ENTR1: variants seen among roughly 807,000 people sequenced by gnomAD.
ENTR1 encodes endosome associated trafficking regulator 1, also known as endosome-associated-trafficking regulator 1.
In ENTR1, 47 loss-of-function variants were observed where a neutral mutation model predicts 47.9. The observed-to-expected ratio is 0.98, with a 90% confidence interval of 0.78 to 1.25. The LOEUF (loss-of-function observed/expected upper bound fraction) is 1.25, where lower values mean the gene tolerates loss of function less well. Among genes scored for constraint, ENTR1 ranks in the 50% most tolerant of loss-of-function variants. ENTR1 has a pLI of 0.00. For missense variants in ENTR1, 668 were observed against 570.5 expected, an observed-to-expected ratio of 1.17 and a Z score of -1.74; for synonymous variants, 290 against 245.8, an observed-to-expected ratio of 1.18 and a Z score of -1.68.
At position 136,402,895 on chromosome 9, in the gene ENTR1, C is replaced by G. The variant is rs1834554761; in HGVS notation, c.1209-8G>C. 3.3e-6 allele frequency: 5 copies of G among 1,502,044 alleles called. No homozygotes were observed. Among genetic ancestry groups the G allele is most frequent in the African/African-American group, 3.0e-5 (2 of 66,056 alleles). 93.0% of individuals were successfully genotyped at this position (1,502,044 alleles called of 1,614,324 possible). ...GCTCCGGAAACCAGTTGCCTGAAAA[C>G]AAGCATGGATATCAGGATGGGTGGC... is the stretch of plus-strand genomic sequence containing the variant. On this transcript the variant is annotated splice_region_variant and splice_polypyrimidine_tract_variant and intron_variant, in intron 9 of 9. Transcript: ENST00000357365.
chr9:136,402,954 G>C (rs1834559005), intron 9 of ENTR1, 67 bp from the exon 10 acceptor site: 2 of 797,870 alleles, frequency 2.5e-6, no homozygotes, highest in Non-Finnish European at 2.0e-6. Context: ...GTTCTGGGGG[G>C]AGAAAGGGGA....
rs1173644686 is a variant in ENTR1, at chr9:136,410,551, G to A, written c.-154C>T. The A allele has an allele frequency of 1.8e-6, 2 of 1,119,858 alleles. No individual in the cohort carries two copies. The highest frequency in any genetic ancestry group is 2.2e-6 in the Non-Finnish European group (2 of 889,448). 69.4% of individuals were successfully genotyped at this position (1,119,858 alleles called of 1,614,324 possible). On this transcript the variant is annotated 5_prime_UTR_variant, in exon 1 of 10. Transcript: ENST00000357365. ...CCCCCGCGCCTCCGAGCCTCTCGCC[G>A]CTGCTTCCGCTCCGAGCACCGAAAG...
chr9:136,404,911 C>T, intron 7 of ENTR1, 180 bp downstream of exon 7: 2 of 666,588 alleles, frequency 3.0e-6, no homozygotes, highest in South Asian at 1.8e-5. Flanking sequence ...CCCACGGATG[C>T]CCTCGTGGGC....
chr9:136,410,300 C>A (rs776202343), intron 1 of ENTR1, 28 bp downstream of exon 1: 1 of 1,550,268 alleles, frequency 6.5e-7, no homozygotes, highest in Middle Eastern at 1.7e-4. Flanking sequence ...CCACCTGGAC[C>A]GCTGGACTCG....
Position 136,402,609 on chromosome 9 carries a change from C to T in ENTR1, c.*179G>A. On this transcript the variant is annotated 3_prime_UTR_variant, in exon 10 of 10. Transcript: ENST00000357365. ...ATAGAAACCACAGAGACAACTCGGC[C>T]AGGGCTGCTCCCATTGTGGTGGCCA... 1 of 482,404 alleles carries T rather than the reference C, an allele frequency of 2.1e-6. No individual in the cohort carries two copies. The highest frequency in any genetic ancestry group is 3.8e-5 in the Admixed American group (1 of 26,382). 29.9% of individuals were successfully genotyped at this position (482,404 alleles called of 1,614,324 possible).
At chr9:136,409,322 A>G (rs1834955110) in intron 2 of ENTR1, among the ~76,000 whole-genome samples, 1 of 152,016 alleles carries the variant, frequency 6.6e-6, no homozygotes, top group African/African-American at 2.4e-5. Context: ...CTGGGACTAC[A>G]GGCACCTGCC....
intron 4 of ENTR1, 43 bp from the exon 5 acceptor site, chr9:136,407,604 T>A: frequency 6.6e-7 from 1 of 1,507,988 alleles, no homozygotes; most frequent in Non-Finnish European, 8.8e-7. Flanking sequence ...GCCATGCTTC[T>A]GACTCGGAGC....
At position 136,407,359 on chromosome 9, in the gene ENTR1, G is replaced by A. The variant is rs1285805026; in HGVS notation, c.605C>T (p.Pro202Leu). The change falls in exon 5 of 10, where the codon CCT (proline) becomes CTT (leucine). Residue 202 changes from proline to leucine, a missense_variant. Coordinates refer to ENST00000357365, the MANE Select transcript of ENTR1 (RefSeq NM_001039707.2). Reference sequence around the variant, plus strand: ...TGTGCTGCAGGGCGACGTGCCGGCAGGGACCCTCTCGGGGTGAGTCTGCTC... The same window carrying A: ...TGTGCTGCAGGGCGACGTGCCGGCAAGGACCCTCTCGGGGTGAGTCTGCTC... ...AIEQTHPERV[P>L]AGTSPCSTYL... 1 of 1,607,648 alleles carries A rather than the reference G, an allele frequency of 6.2e-7. No homozygotes were observed. Among genetic ancestry groups the A allele is most frequent in the Non-Finnish European group, 8.5e-7 (1 of 1,178,088 alleles).
Position 136,410,600 on chromosome 9 carries a change from G to T in ENTR1, c.-203C>A. ...AGCGCGTGCCTGAACGCCTTGGGCC[G>T]TCGGCGAGGGGGAGGGGAAGCCGTG... On this transcript the variant is annotated 5_prime_UTR_variant, in exon 1 of 10. Coordinates refer to ENST00000357365, the MANE Select transcript of ENTR1 (RefSeq NM_001039707.2). The T allele has an allele frequency of 7.8e-7, 1 of 1,276,872 alleles. No individual in the cohort carries two copies. The highest frequency in any genetic ancestry group is 2.8e-5 in the South Asian group (1 of 36,246). The allele number at this position is 1,276,872 out of a possible 1,614,324, so 79.1% of individuals were successfully genotyped here. A position where few individuals can be genotyped will look rare whatever the true frequency, so the allele number is the denominator to read the frequency against.
intron 5 of ENTR1, among the ~76,000 whole-genome samples, 178 bp from the exon 6 acceptor site, chr9:136,406,156 G>C (rs1260238273): frequency 6.6e-6 from 1 of 152,186 alleles, no homozygotes; most frequent in Non-Finnish European, 1.5e-5. Context: ...TCAAAGACCT[G>C]TGGTCACAGA....
chr9:136,404,034 C>A (rs759327843), intron 9 of ENTR1, 21 bp downstream of exon 9: 1 of 1,557,666 alleles, frequency 6.4e-7, no homozygotes, highest in Admixed American at 1.9e-5. Context: ...CCAGGCTTCC[C>A]GGTGCCTCCC....
rs1302699736 is a variant in ENTR1 at position 136,404,706 on chromosome 9, A to C, written c.1006-13T>G. 6.2e-7 allele frequency: 1 copy of C among 1,613,800 alleles called. No homozygotes were observed. The highest frequency in any genetic ancestry group is 8.5e-7 in the Non-Finnish European group (1 of 1,179,930). ...TTACAGCCCGTTTCTGTTACCCAAAAAAGAAAAACCACAAAAAGCATCACT... is the reference window on the plus strand; with the variant it reads ...TTACAGCCCGTTTCTGTTACCCAAACAAGAAAAACCACAAAAAGCATCACT... On this transcript the variant is annotated splice_polypyrimidine_tract_variant and intron_variant, in intron 7 of 9. Transcript: ENST00000357365.
At chr9:136,409,487 G>T (rs1379790429) in intron 2 of ENTR1, among the ~76,000 whole-genome samples, 2 of 152,160 alleles carry the variant, frequency 1.3e-5, no homozygotes, top group South Asian at 2.1e-4. Context: ...GGTCAGCCGA[G>T]AAAACTTTAA....
In ENTR1 at chr9:136,407,143, A is replaced by C. The variant is rs1834803221; in HGVS notation, c.819+2T>G. On this transcript the variant is annotated splice_donor_variant, in intron 5 of 9. Coordinates refer to ENST00000357365, the MANE Select transcript of ENTR1 (RefSeq NM_001039707.2). LOFTEE classifies it high-confidence loss of function. ...CCAGAGGGCGCCGTGAGGCTCACTT[A>C]CTGCGTCGTAACTTATCTGCAGCGT... 3 of 1,586,008 alleles carry C rather than the reference A, an allele frequency of 1.9e-6. No homozygotes were observed. Among genetic ancestry groups the C allele is most frequent in the Admixed American group, 3.4e-5 (2 of 58,688 alleles).
intron 9 of ENTR1, among the ~76,000 whole-genome samples, 196 bp from the exon 10 acceptor site, chr9:136,403,083 G>T: frequency 8.5e-6 from 1 of 117,224 alleles, no homozygotes; most frequent in African/African-American, 3.5e-5. Flanking sequence ...CACAGGGGGT[G>T]GGGGGCAGAA....
In ENTR1 at chr9:136,408,040, C is replaced by T. The variant is rs1014704164; in HGVS notation, c.290-102G>A. On this transcript the variant is annotated intron_variant, in intron 3 of 9. Coordinates refer to ENST00000357365, the MANE Select transcript of ENTR1 (RefSeq NM_001039707.2). ...TCCAGAGCATGGCCACATGTGAGAT[C>T]GGGCAGCCACGCTTGTCATTCTACC... The T allele has an allele frequency of 7.3e-5, 52 of 716,646 alleles. No individual in the cohort carries two copies. In the South Asian group the frequency reaches 7.8e-4, roughly 11 times the overall value. 44.4% of individuals were successfully genotyped at this position (716,646 alleles called of 1,614,324 possible).
At chr9:136,407,090 G>A (rs956008857) in intron 5 of ENTR1, 55 bp downstream of exon 5, 16 of 1,514,806 alleles carry the variant, frequency 1.1e-5, no homozygotes, top group Middle Eastern at 2.5e-4. Flanking sequence ...GGTTCTCCCC[G>A]GGAGAAGCCG....
chr9:136,405,551 AAC>A (rs1588786475), intron 6 of ENTR1, among the ~76,000 whole-genome samples: 1 of 152,236 alleles, frequency 6.6e-6, no homozygotes. Flanking sequence ...AAGCCTGGGC[AAC>A]ATAGTGAGAC....
At chr9:136,405,475 T>C (rs1487453890) in intron 6 of ENTR1, 2 of 439,054 alleles carry the variant, frequency 4.6e-6, no homozygotes, top group South Asian at 2.3e-5. Context: ...CCGTGGCTCA[T>C]GCCTATAATC....
Sources: allele counts gnomAD v4.1 joint callset (sites outside exome capture counted in the v4.1 genomes callset), GRCh38; gene constraint gnomAD v4.1.1; transcripts MANE v1.5; gene names NCBI Gene and HGNC (gene_info 2026-07-23, HGNC 2026-07-21).